Variants in PPP2R2B observed in about 807,000 individuals in gnomAD.
The protein encoded by PPP2R2B is serine/threonine-protein phosphatase 2A 55 kDa regulatory subunit B beta isoform.
PPP2R2B carries 5 observed loss-of-function variants against 46.0 expected under a neutral mutation model. That is an observed-to-expected ratio of 0.11 (90% CI 0.06 to 0.23). The LOEUF is 0.23. Ranked by LOEUF, PPP2R2B falls within the 10% of genes least tolerant of loss-of-function variation. The pLI is 1.00. For missense variants in PPP2R2B, 367 were observed against 575.0 expected, an observed-to-expected ratio of 0.64 and a Z score of 3.70; for synonymous variants, 215 against 206.7, an observed-to-expected ratio of 1.04 and a Z score of -0.34.
At chr5:146,659,511 T>C (rs752090518) in intron 5 of PPP2R2B, among the ~76,000 whole-genome samples, 1 of 152,220 alleles carries the variant, frequency 6.6e-6, no homozygotes, top group South Asian at 2.1e-4. Context: ...CTCCTTAACG[T>C]TGGGGATATG....
chr5:147,010,333 G>C (rs1754658384), intron 1 of PPP2R2B, among the ~76,000 whole-genome samples: 1 of 152,164 alleles, frequency 6.6e-6, no homozygotes, highest in African/African-American at 2.4e-5. Context: ...TTCGGGGATG[G>C]TTCAAGTGCA....
upstream of PPP2R2B, chr5:146,879,095 T>G: frequency 4.5e-6 from 1 of 221,388 alleles, no homozygotes; most frequent in Non-Finnish European, 8.4e-6. Flanking sequence ...TTCCTTTGGA[T>G]AGTCAGGAAG....
intron 8 of PPP2R2B, among the ~76,000 whole-genome samples, chr5:146,597,585 T>G (rs915889746): frequency 1.3e-5 from 2 of 152,174 alleles, no homozygotes; most frequent in African/African-American, 4.8e-5. Flanking sequence ...ACCCTTTGTT[T>G]ACCTGTACCA....
intron 7 of PPP2R2B, among the ~76,000 whole-genome samples, chr5:146,618,943 G>A (rs571074043): frequency 1.3e-5 from 2 of 152,314 alleles, no homozygotes; most frequent in South Asian, 4.1e-4. Flanking sequence ...GCCACTTTGT[G>A]CTCAGACATC....
At chr5:146,759,247 T>G (rs1039908212) in intron 2 of PPP2R2B, among the ~76,000 whole-genome samples, 3 of 152,170 alleles carry the variant, frequency 2.0e-5, no homozygotes, top group Non-Finnish European at 4.4e-5. Flanking sequence ...TAATATTGCT[T>G]CTTAGAAATG....
intron 1 of PPP2R2B, among the ~76,000 whole-genome samples, chr5:146,912,172 G>T (rs1030034508): frequency 1.3e-5 from 2 of 148,544 alleles, no homozygotes; most frequent in African/African-American, 5.0e-5. Context: ...CTCGGAGGTG[G>T]AGGTTGCAGT....
At chr5:147,001,936 T>C (rs1279989533) in intron 1 of PPP2R2B, among the ~76,000 whole-genome samples, 1 of 152,120 alleles carries the variant, frequency 6.6e-6, no homozygotes, top group East Asian at 1.9e-4. Flanking sequence ...GCCATTCAGC[T>C]TCAGGGTCCT....
chr5:146,823,057 A>G (rs763701190), intron 2 of PPP2R2B, among the ~76,000 whole-genome samples: 2 of 152,196 alleles, frequency 1.3e-5, no homozygotes, highest in African/African-American at 2.4e-5. Flanking sequence ...CACTCCCTCC[A>G]TGTGAACCAA....
intron 1 of PPP2R2B, among the ~76,000 whole-genome samples, chr5:147,036,011 T>C (rs1199912619): frequency 6.6e-6 from 1 of 152,194 alleles, no homozygotes; most frequent in Non-Finnish European, 1.5e-5. Flanking sequence ...AATTTCCAAC[T>C]TTTATTTTAA....
intron 1 of PPP2R2B, among the ~76,000 whole-genome samples, chr5:147,038,598 C>G (rs1364739283): frequency 6.6e-6 from 1 of 152,134 alleles, no homozygotes; most frequent in African/African-American, 2.4e-5. Flanking sequence ...AAATAAACTT[C>G]TAGAGGAAAC....
chr5:146,581,583 TCTC>T lies in PPP2R2B; in HGVS notation c.*8361_*8363del, dbSNP rs1769896918. 6.6e-6 allele frequency: 1 copy of T among 152,180 alleles called. No individual in the cohort carries two copies. The allele number at this position is 152,180 out of a possible 1,614,324, so 9.4% of individuals were successfully genotyped here. On this transcript the variant is annotated 3_prime_UTR_variant, in exon 10 of 10. Transcript: ENST00000394411. Reference sequence around the variant, plus strand: ...GAAAAATAAGAACTGTTGTCCTTCTTCTCGTCAGGGAGGAAATGAGGGGTTTAA... The same window carrying T: ...GAAAAATAAGAACTGTTGTCCTTCTTGTCAGGGAGGAAATGAGGGGTTTAA...
At chr5:147,034,113 C>G (rs954214625) in intron 1 of PPP2R2B, among the ~76,000 whole-genome samples, 14 of 152,150 alleles carry the variant, frequency 9.2e-5, no homozygotes, top group African/African-American at 3.1e-4. Flanking sequence ...AGCCACACTG[C>G]TCTGCTTTCT....
chr5:146,971,348 T>C (rs1752653585), intron 1 of PPP2R2B, among the ~76,000 whole-genome samples: 2 of 152,140 alleles, frequency 1.3e-5, no homozygotes. Flanking sequence ...CACAAGAAAA[T>C]ATAACATGTG....
chr5:146,774,699 C>T (rs1046618927), intron 2 of PPP2R2B, among the ~76,000 whole-genome samples: 3 of 151,698 alleles, frequency 2.0e-5, no homozygotes, highest in African/African-American at 7.3e-5. Context: ...TGCCAGTAGC[C>T]CCAGCTACTT....
intron 8 of PPP2R2B, among the ~76,000 whole-genome samples, chr5:146,595,910 A>T (rs1209777180): frequency 6.6e-6 from 1 of 152,162 alleles, no homozygotes; most frequent in African/African-American, 2.4e-5. Flanking sequence ...TGTTTCTCAT[A>T]TTTATTTGTG....
At chr5:146,594,828 A>G (rs1389668748) in intron 8 of PPP2R2B, among the ~76,000 whole-genome samples, 3 of 152,190 alleles carry the variant, frequency 2.0e-5, no homozygotes. Context: ...AGAAGGAGAT[A>G]GAACTGTGTG....
chr5:147,058,315 G>A (rs1233100614), upstream of PPP2R2B, among the ~76,000 whole-genome samples: 1 of 152,114 alleles, frequency 6.6e-6, no homozygotes, highest in African/African-American at 2.4e-5. Flanking sequence ...AAGGCATTAT[G>A]GAATTTATAG....
At chr5:146,793,577 A>T (rs1756345685) in intron 2 of PPP2R2B, among the ~76,000 whole-genome samples, 2 of 152,192 alleles carry the variant, frequency 1.3e-5, no homozygotes, top group Non-Finnish European at 2.9e-5. Context: ...GGATATTAAG[A>T]TCACACAACA....
intron 2 of PPP2R2B, among the ~76,000 whole-genome samples, chr5:146,745,342 A>G (rs1753124661): frequency 6.6e-6 from 1 of 152,198 alleles, no homozygotes. Flanking sequence ...CAGGATTTCA[A>G]TCAATATTCC....
Sources: gnomAD v4.1 joint callset for allele counts (sites outside exome capture counted in the v4.1 genomes callset) on GRCh38, gnomAD v4.1.1 for gene constraint, MANE v1.5 for transcripts, NCBI Gene and HGNC (gene_info 2026-07-23, HGNC 2026-07-21) for gene names.